Variants in CACUL1 observed in about 807,000 individuals in gnomAD.
CACUL1 encodes the protein CDK2 associated cullin domain 1.
A neutral mutation model predicts 45.2 loss-of-function variants in CACUL1; 13 were observed. The observed-to-expected ratio is 0.29, with a 90% confidence interval of 0.19 to 0.46. CACUL1 has a LOEUF of 0.46. CACUL1 is among the 20% of genes least tolerant of loss of function. The pLI is 1.00. For synonymous variants in CACUL1, 197 were observed against 174.2 expected (o/e 1.13, Z -1.03); for missense variants, 421 against 471.4 (o/e 0.89, Z 0.99).
intron 4 of CACUL1, among the ~76,000 whole-genome samples, chr10:118,705,058 T>C (rs938660448): frequency 1.3e-5 from 2 of 152,258 alleles, no homozygotes; most frequent in Non-Finnish European, 2.9e-5. Flanking sequence ...ATTCTGATAG[T>C]TGAAATTCAG....
At chr10:118,745,069 ATAG>A (rs1845828306) in intron 1 of CACUL1, among the ~76,000 whole-genome samples, 1 of 152,110 alleles carries the variant, frequency 6.6e-6, no homozygotes, top group Non-Finnish European at 1.5e-5. Context: ...ATAAAGGACA[ATAG>A]TGGATAAATG....
At chr10:118,686,274 CA>C in intron 8 of CACUL1, 106 bp from the exon 9 acceptor site, 4 of 967,996 alleles carry the variant, frequency 4.1e-6, no homozygotes, top group East Asian at 2.5e-5. Context: ...CCCAACTCCC[CA>C]AAAAAGGCTT....
intron 4 of CACUL1, among the ~76,000 whole-genome samples, chr10:118,701,898 G>A (rs1464630114): frequency 6.6e-6 from 1 of 152,070 alleles, no homozygotes; most frequent in African/African-American, 2.4e-5. Context: ...GACACTCAAG[G>A]CAGCCCAAGC....
chr10:118,676,750 T>A lies in CACUL1; in HGVS notation c.*9378A>T, dbSNP rs919815070. 1 of 152,210 alleles carries A rather than the reference T, an allele frequency of 6.6e-6. No homozygotes were observed. The allele number at this position is 152,210 out of a possible 1,614,324, so 9.4% of individuals were successfully genotyped here. A position where few individuals can be genotyped will look rare whatever the true frequency, so the allele number is the denominator to read the frequency against. On this transcript the variant is annotated 3_prime_UTR_variant, in exon 9 of 9. Transcript: ENST00000369151. ...CACAAACAATATTTTAAAACATTTT[T>A]ACTTCATCTTTTTGATTTTCTACTT...
chr10:118,750,888 G>C (rs763122766), intron 1 of CACUL1, among the ~76,000 whole-genome samples: 2 of 152,072 alleles, frequency 1.3e-5, no homozygotes, highest in Non-Finnish European at 2.9e-5. Flanking sequence ...GAGGTATATG[G>C]GATATTTTGA....
At chr10:118,706,811 T>C (rs574287480) in intron 4 of CACUL1, among the ~76,000 whole-genome samples, 60 of 152,182 alleles carry the variant, frequency 3.9e-4, no homozygotes, top group Admixed American at 5.9e-4. Context: ...AGTTTTGTTT[T>C]GTTTTTGTTA....
intron 3 of CACUL1, among the ~76,000 whole-genome samples, chr10:118,713,607 T>C (rs2119605221): frequency 6.6e-6 from 1 of 152,370 alleles, no homozygotes; most frequent in South Asian, 2.1e-4. Context: ...ATGAGTAATG[T>C]ATTCATCTGG....
chr10:118,723,533 CTT>C (rs1431464104), intron 3 of CACUL1, among the ~76,000 whole-genome samples: 1 of 152,108 alleles, frequency 6.6e-6, no homozygotes, highest in Non-Finnish European at 1.5e-5. Context: ...CTGAAAAACA[CTT>C]TTATTTGTGT....
chr10:118,739,089 G>A lies in CACUL1; in HGVS notation c.368-8679C>T, dbSNP rs1002065818. On this transcript the variant is annotated intron_variant, in intron 1 of 8. Transcript: ENST00000369151. The stretch of plus-strand genomic sequence containing the variant: ...CGGGCACCTGTATTCCCAGCTACTC[G>A]GGAGGCTGAGGCAAGAGAATGGTGT... Among the ~76,000 whole-genome samples, 16 of 151,672 alleles carry A rather than the reference G, an allele frequency of 1.1e-4. No homozygotes were observed. In the East Asian group the frequency reaches 2.1e-3, roughly 20 times the overall value.
chr10:118,747,107 G>C (rs559500370), intron 1 of CACUL1, among the ~76,000 whole-genome samples: 1 of 152,198 alleles, frequency 6.6e-6, no homozygotes, highest in African/African-American at 2.4e-5. Flanking sequence ...AAGACCTGAT[G>C]ATCCGAGGTG....
chr10:118,699,900 A>G (rs781776761), intron 5 of CACUL1, among the ~76,000 whole-genome samples: 62 of 152,140 alleles, frequency 4.1e-4, no homozygotes, highest in Non-Finnish European at 8.7e-4. Flanking sequence ...CGCCGGCCTC[A>G]GCCTCCCAAA....
At chr10:118,736,427 C>T (rs1845741795) in intron 1 of CACUL1, among the ~76,000 whole-genome samples, 1 of 151,486 alleles carries the variant, frequency 6.6e-6, no homozygotes, top group African/African-American at 2.4e-5. Flanking sequence ...ACTCTGTCAC[C>T]CAGGCTGGAG....
intron 5 of CACUL1, among the ~76,000 whole-genome samples, chr10:118,695,567 A>G (rs1213044215): frequency 6.6e-6 from 1 of 152,230 alleles, no homozygotes; most frequent in African/African-American, 2.4e-5. Flanking sequence ...AGAATAAAGT[A>G]TCATATGATA....
At chr10:118,686,666 C>G (rs777686900) in intron 7 of CACUL1, 25 bp from the exon 8 acceptor site, 1 of 1,582,324 alleles carries the variant, frequency 6.3e-7, no homozygotes. Flanking sequence ...AGGCAGTCAA[C>G]AAAACTGACT....
At chr10:118,744,800 C>T (rs1340951727) in intron 1 of CACUL1, among the ~76,000 whole-genome samples, 3 of 151,974 alleles carry the variant, frequency 2.0e-5, no homozygotes, top group Non-Finnish European at 2.9e-5. Flanking sequence ...GGATTATAGG[C>T]GCACACCACT....
In CACUL1 at chr10:118,678,395, G is replaced by A. The variant is rs886628809; in HGVS notation, c.*7733C>T. The A allele has an allele frequency of 3.3e-5, 5 of 152,202 alleles. No homozygotes were observed. The highest frequency in any genetic ancestry group is 4.8e-5 in the African/African-American group (2 of 41,448). The allele number at this position is 152,202 out of a possible 1,614,324, so 9.4% of individuals were successfully genotyped here. ...TTTTAATCACTACCTTTGGCAGTAA[G>A]TGTTAGAATCTTGTAGTGCTAGTTC... is the stretch of plus-strand genomic sequence containing the variant. On this transcript the variant is annotated 3_prime_UTR_variant, in exon 9 of 9. Coordinates refer to ENST00000369151, the MANE Select transcript of CACUL1 (RefSeq NM_153810.5).
intron 1 of CACUL1, among the ~76,000 whole-genome samples, chr10:118,742,458 G>C (rs10510049): frequency 0.025 from 3,738 of 152,242 alleles, 215 homozygotes; most frequent in East Asian, 0.19. Flanking sequence ...ACATTAAAAT[G>C]CCTTTCTCTT....
intron 3 of CACUL1, among the ~76,000 whole-genome samples, chr10:118,717,272 T>C (rs984637252): frequency 6.6e-6 from 1 of 152,248 alleles, no homozygotes. Flanking sequence ...AGGCATTTAC[T>C]GCAGGACAAT....
At chr10:118,690,907 G>T (rs1845258837) in intron 7 of CACUL1, among the ~76,000 whole-genome samples, 1 of 152,108 alleles carries the variant, frequency 6.6e-6, no homozygotes, top group Non-Finnish European at 1.5e-5. Context: ...AATTAGCCAG[G>T]TGTGGTGGTG....
Sources: allele counts gnomAD v4.1 joint callset (sites outside exome capture counted in the v4.1 genomes callset), GRCh38; gene constraint gnomAD v4.1.1; transcripts MANE v1.5; gene names NCBI Gene and HGNC (gene_info 2026-07-23, HGNC 2026-07-21).